PIEZO2: variants seen among roughly 807,000 people sequenced by gnomAD.
PIEZO2 encodes the protein piezo-type mechanosensitive ion channel component 2.
Under a neutral mutation model 337.3 loss-of-function variants are expected in PIEZO2, and 172 were observed. That is an observed-to-expected ratio of 0.51 (90% CI 0.45 to 0.58). The LOEUF is 0.58. PIEZO2 is among the 20% of genes least tolerant of loss of function. The pLI is 0.00. For synonymous variants in PIEZO2, 1,251 were observed against 1,228.5 expected, an observed-to-expected ratio of 1.02 and a Z score of -0.38; for missense variants, 3,028 against 3,391.3, an observed-to-expected ratio of 0.89 and a Z score of 2.66.
Position 10,767,228 on chromosome 18 carries a change from T to C in PIEZO2, c.2946+2920A>G, listed in dbSNP as rs113317653. Reference sequence around the variant, plus strand: ...TTAAATCTAGATTATTCCAAAGCAGTGTCACTCCTGAATAAGATGCTGATG... The same window carrying C: ...TTAAATCTAGATTATTCCAAAGCAGCGTCACTCCTGAATAAGATGCTGATG... On this transcript the variant is annotated intron_variant, in intron 21 of 55. Coordinates refer to ENST00000674853, the MANE Select transcript of PIEZO2 (RefSeq NM_001378183.1). This position sits in a 1 kb window ranked among gnomAD's most constrained non-coding sequence, Gnocchi z 4.2. Among the ~76,000 whole-genome samples the C allele has an allele frequency of 0.038, 5,849 of 152,296 alleles. 183 individuals carry two copies. The highest frequency in any genetic ancestry group is 0.058 in the Non-Finnish European group (3,944 of 68,016).
chr18:10,822,716 T>C (rs2040554857), intron 7 of PIEZO2, among the ~76,000 whole-genome samples: 2 of 152,202 alleles, frequency 1.3e-5, no homozygotes, highest in South Asian at 2.1e-4. Context: ...ATGTTATCAA[T>C]GCTTCTCTTT....
In PIEZO2 at chr18:11,111,930, C is replaced by T. The variant is rs913596344; in HGVS notation, c.64+36595G>A. ...GATAAAACACAAGATCTCAAAGAAA[C>T]GATCTTCTGCAGGCCACTTCATGAG... is the stretch of plus-strand genomic sequence containing the variant. On this transcript the variant is annotated intron_variant, in intron 1 of 55. Coordinates refer to ENST00000674853, the MANE Select transcript of PIEZO2 (RefSeq NM_001378183.1). This position sits in a 1 kb window ranked among gnomAD's most constrained non-coding sequence, Gnocchi z 6.2. Among the ~76,000 whole-genome samples, 1 of 152,146 alleles carries T rather than the reference C, an allele frequency of 6.6e-6. No homozygotes were observed. Among genetic ancestry groups the T allele is most frequent in the African/African-American group, 2.4e-5 (1 of 41,434 alleles).
intron 1 of PIEZO2, among the ~76,000 whole-genome samples, chr18:11,072,146 C>T (rs1031305007): frequency 1.3e-5 from 2 of 152,158 alleles, no homozygotes; most frequent in African/African-American, 4.8e-5. Flanking sequence ...TGTACTTCTA[C>T]GTCAGTGGGG....
At chr18:10,804,792 G>A (rs1012929120) in intron 8 of PIEZO2, among the ~76,000 whole-genome samples, 7 of 152,210 alleles carry the variant, frequency 4.6e-5, no homozygotes, top group South Asian at 2.1e-4. Flanking sequence ...TTTGGTGGCC[G>A]GTATTTTTCA....
intron 3 of PIEZO2, among the ~76,000 whole-genome samples, chr18:10,957,424 A>AAG (rs2033590563): frequency 6.7e-6 from 1 of 148,350 alleles, no homozygotes; most frequent in South Asian, 2.1e-4. Context: ...AAACAAAGCA[A>AAG]CAACAACAAC....
rs2032818150 is a variant in PIEZO2 at position 10,943,196 on chromosome 18, A to G, written c.287-31968T>C. Among the ~76,000 whole-genome samples the G allele has an allele frequency of 6.6e-6, 1 of 152,164 alleles. No individual in the cohort carries two copies. Among genetic ancestry groups the G allele is most frequent in the African/African-American group, 2.4e-5 (1 of 41,464 alleles). On this transcript the variant is annotated intron_variant, in intron 3 of 55. Coordinates refer to ENST00000674853, the MANE Select transcript of PIEZO2 (RefSeq NM_001378183.1). This position sits in a 1 kb window ranked among gnomAD's most constrained non-coding sequence, Gnocchi z 4.5. ...GACGCACAGTCCCTACTGGGGCACC[A>G]CCTAGTGGAGCTGTGAGAAGAGGGC...
rs1472857290 is a variant in PIEZO2, at chr18:10,783,096, A to G, written c.2492+1688T>C. Among the ~76,000 whole-genome samples, 1 of 151,140 alleles carries G rather than the reference A, an allele frequency of 6.6e-6. No individual in the cohort carries two copies. The highest frequency in any genetic ancestry group is 1.5e-5 in the Non-Finnish European group (1 of 67,842). ...GCATGCTGGAGGCACTTTTAGTGAGAAAAAAAAATGAATATGCAAGAGAAG... is the reference window on the plus strand; with the variant it reads ...GCATGCTGGAGGCACTTTTAGTGAGGAAAAAAAATGAATATGCAAGAGAAG... On this transcript the variant is annotated intron_variant, in intron 17 of 55. Transcript: ENST00000674853. The surrounding 1 kb of genome is among the most constrained non-coding windows in gnomAD (Gnocchi z 4.3).
intron 1 of PIEZO2, among the ~76,000 whole-genome samples, chr18:11,142,778 CAAA>C (rs11290889): frequency 2.9e-4 from 34 of 116,108 alleles, no homozygotes; most frequent in Admixed American, 5.5e-4. Context: ...GAGATTATCG[CAAA>C]AAAAAAAAAA....
chr18:10,919,580 A>T (rs562174277), intron 3 of PIEZO2, among the ~76,000 whole-genome samples: 2 of 152,170 alleles, frequency 1.3e-5, no homozygotes, highest in Non-Finnish European at 2.9e-5. Flanking sequence ...AGACTAGGGC[A>T]GGTCTGTTCA....
At chr18:10,729,684 C>A (rs1475043226) in intron 36 of PIEZO2, among the ~76,000 whole-genome samples, 2 of 151,538 alleles carry the variant, frequency 1.3e-5, no homozygotes, top group African/African-American at 4.8e-5. Flanking sequence ...TTTAATCATG[C>A]CACTTAATCT....
intron 1 of PIEZO2, among the ~76,000 whole-genome samples, chr18:11,144,035 G>A (rs1338725867): frequency 6.6e-6 from 1 of 152,158 alleles, no homozygotes; most frequent in Non-Finnish European, 1.5e-5. Context: ...GCAGAGCCAT[G>A]AGGTCAATGA....
At chr18:10,703,741 G>A (rs2035439836) in intron 42 of PIEZO2, among the ~76,000 whole-genome samples, 1 of 152,006 alleles carries the variant, frequency 6.6e-6, no homozygotes, top group Admixed American at 6.6e-5. Context: ...ATGTTGAATA[G>A]GTCAGGACAG....
intron 7 of PIEZO2, among the ~76,000 whole-genome samples, chr18:10,809,202 C>T (rs1393471246): frequency 2.8e-5 from 4 of 142,972 alleles, no homozygotes; most frequent in Non-Finnish European, 6.1e-5. Context: ...CCTACAGGAA[C>T]GTTTTTTAAT....
intron 54 of PIEZO2, among the ~76,000 whole-genome samples, chr18:10,674,905 C>T (rs2033926004): frequency 1.3e-5 from 2 of 152,160 alleles, no homozygotes; most frequent in African/African-American, 4.8e-5. Flanking sequence ...AGTTTCCTGT[C>T]AGTAATCTGG....
At chr18:10,944,932 G>A (rs1414899860) in intron 3 of PIEZO2, among the ~76,000 whole-genome samples, 2 of 152,268 alleles carry the variant, frequency 1.3e-5, no homozygotes, top group East Asian at 3.9e-4. Flanking sequence ...TTCTTGCCGT[G>A]AGATAATGTC....
Position 11,148,645 on chromosome 18 carries a change from G to C in PIEZO2, c.-57C>G. On this transcript the variant is annotated 5_prime_UTR_variant, in exon 1 of 56. Transcript: ENST00000674853. This position sits in a 1 kb window ranked among gnomAD's most constrained non-coding sequence, Gnocchi z 5.2. Reference sequence around the variant, plus strand: ...CGAGGCTCGAGGGTCCCTAGGGGTGGTGGGACGCAAGGCCCATGCCCGTCT... The same window carrying C: ...CGAGGCTCGAGGGTCCCTAGGGGTGCTGGGACGCAAGGCCCATGCCCGTCT... The C allele has an allele frequency of 6.6e-7, 1 of 1,522,072 alleles. No individual in the cohort carries two copies. The allele number at this position is 1,522,072 out of a possible 1,614,324, so 94.3% of individuals were successfully genotyped here. A position where few individuals can be genotyped will look rare whatever the true frequency, so the allele number is the denominator to read the frequency against.
intron 7 of PIEZO2, among the ~76,000 whole-genome samples, chr18:10,845,867 T>C (rs2144635194): frequency 6.6e-6 from 1 of 152,324 alleles, no homozygotes; most frequent in Non-Finnish European, 1.5e-5. Context: ...TTAAAGCCCA[T>C]CATTTTTCTA....
chr18:11,138,697 T>C (rs1035653760), intron 1 of PIEZO2, among the ~76,000 whole-genome samples: 14 of 152,192 alleles, frequency 9.2e-5, no homozygotes, highest in African/African-American at 2.9e-4. Context: ...TACAGACACA[T>C]AGAAGGCAAG....
rs115870927 is a variant in PIEZO2 at position 10,908,142 on chromosome 18, G to C, written c.329+3044C>G. ...CATATAATCACACAGCTTCCAGAGA[G>C]ACAACTGAACAACATCTCAGGGGAG... On this transcript the variant is annotated intron_variant, in intron 4 of 55. Transcript: ENST00000674853. 5.7e-3 allele frequency among the ~76,000 whole-genome samples: 861 copies of C among 152,290 alleles called. 10 individuals carry two copies. Among genetic ancestry groups the C allele is most frequent in the African/African-American group, 0.02 (828 of 41,552 alleles).
Sources: allele counts gnomAD v4.1 joint callset (sites outside exome capture counted in the v4.1 genomes callset), GRCh38; gene constraint gnomAD v4.1.1; non-coding constraint Gnocchi (gnomAD v3.1); transcripts MANE v1.5; gene names NCBI Gene and HGNC (gene_info 2026-07-23, HGNC 2026-07-21).